Variants in SHISA3 observed in about 807,000 individuals in gnomAD.
The protein encoded by SHISA3 is shisa family member 3, also known as protein shisa-3 homolog.
In SHISA3, 15 loss-of-function variants were observed where a neutral mutation model predicts 19.2. The ratio of observed to expected loss-of-function variants is 0.78; its 90% confidence interval spans 0.52 to 1.20. The LOEUF (loss-of-function observed/expected upper bound fraction) is 1.20. Among genes scored for constraint, SHISA3 ranks in the 50% most tolerant of loss-of-function variants. The pLI, the probability that SHISA3 is intolerant of heterozygous loss-of-function variation, is 0.00. For missense variants in SHISA3, 327 were observed against 315.7 expected, an observed-to-expected ratio of 1.04 and a Z score of -0.27; for synonymous variants, 145 against 135.2, an observed-to-expected ratio of 1.07 and a Z score of -0.50.
At chr4:42,400,633 C>T (rs558216199) in intron 1 of SHISA3, among the ~76,000 whole-genome samples, 1 of 152,210 alleles carries the variant, frequency 6.6e-6, no homozygotes, top group African/African-American at 2.4e-5. Context: ...TACTGCTCAC[C>T]GTGATCAAAC....
At position 42,398,266 on chromosome 4, in the gene SHISA3, C is replaced by T. The variant is rs546175044; in HGVS notation, c.210C>T (p.Asp70=). 1.8e-4 allele frequency: 278 copies of T among 1,568,682 alleles called. 1 individual carries two copies. The South Asian group carries it at 2.8e-3, about 16-fold the overall frequency. The change falls in exon 1 of 2, where the codon GAC becomes GAT. Residue 70 remains aspartate (D), a synonymous_variant. Transcript: ENST00000319234. Reference sequence around the variant, plus strand: ...TCCGCTACTGTTGCGCCGCGGCCGACGCCAGGCTGGAGCAGGGCGGCTGCA... The same window carrying T: ...TCCGCTACTGTTGCGCCGCGGCCGATGCCAGGCTGGAGCAGGGCGGCTGCA... ...CALRYCCAAA[D]ARLEQGGCTN... is the part of the protein sequence containing the mutation.
In SHISA3 at chr4:42,402,294, A is replaced by G. The variant is rs2153163351; in HGVS notation, c.*843A>G. ...TTAATGTATTTACCACATTGACTGTACTAATTATTTAGTAGTCATACTGTA... is the reference window on the plus strand; with the variant it reads ...TTAATGTATTTACCACATTGACTGTGCTAATTATTTAGTAGTCATACTGTA... On this transcript the variant is annotated 3_prime_UTR_variant, in exon 2 of 2. Transcript: ENST00000319234. 6.6e-6 allele frequency: 1 copy of G among 152,292 alleles called. No homozygotes were observed. The highest frequency in any genetic ancestry group is 6.5e-5 in the Admixed American group (1 of 15,308). 9.4% of individuals were successfully genotyped at this position (152,292 alleles called of 1,614,324 possible). A position where few individuals can be genotyped will look rare whatever the true frequency, so the allele number is the denominator to read the frequency against.
At position 42,398,110 on chromosome 4, in the gene SHISA3, G is replaced by T. The variant is rs779307828; in HGVS notation, c.54G>T (p.Pro18=). 8.7e-6 allele frequency: 14 copies of T among 1,602,912 alleles called. No individual in the cohort carries two copies. Among genetic ancestry groups the T allele is most frequent in the Non-Finnish European group, 8.5e-6 (10 of 1,175,758 alleles). The change falls in exon 1 of 2, where the codon CCG becomes CCT. Residue 18 remains proline (P), a synonymous_variant. Coordinates refer to ENST00000319234, the MANE Select transcript of SHISA3 (RefSeq NM_001080505.3). ...CLLLGWLRWG[P]AGAQQSGEYC... ...TCCTTGGCTGGCTGCGCTGGGGCCC[G>T]GCGGGCGCCCAGCAGTCCGGAGAGT...
chr4:42,399,802 A>T lies in SHISA3; in HGVS notation c.278-1210A>T, dbSNP rs150649474. ...TAAGTTGTTGGTGACGTGAGAGTGTATGAATGCTGGAGCGCAGGGCTCAGT... is the reference window on the plus strand; with the variant it reads ...TAAGTTGTTGGTGACGTGAGAGTGTTTGAATGCTGGAGCGCAGGGCTCAGT... On this transcript the variant is annotated intron_variant, in intron 1 of 1. Transcript: ENST00000319234. 5.8e-4 allele frequency among the ~76,000 whole-genome samples: 89 copies of T among 152,336 alleles called. 1 individual carries two copies. Among genetic ancestry groups the T allele is most frequent in the African/African-American group, 2.0e-3 (84 of 41,584 alleles).
Position 42,401,499 on chromosome 4 carries a change from G to A in SHISA3, c.*48G>A, listed in dbSNP as rs866648957. The A allele has an allele frequency of 6.6e-7, 1 of 1,524,492 alleles. No homozygotes were observed. Among genetic ancestry groups the A allele is most frequent in the Non-Finnish European group, 8.8e-7 (1 of 1,135,834 alleles). The allele number at this position is 1,524,492 out of a possible 1,614,324, so 94.4% of individuals were successfully genotyped here. ...AACTCAGTCAGATGGCAGACAGGTGGAGCCCTGCTCCCATTGCCACATGCA... is the reference window on the plus strand; with the variant it reads ...AACTCAGTCAGATGGCAGACAGGTGAAGCCCTGCTCCCATTGCCACATGCA... On this transcript the variant is annotated 3_prime_UTR_variant, in exon 2 of 2. Transcript: ENST00000319234.
chr4:42,401,119 C>A lies in SHISA3; in HGVS notation c.385C>A (p.Pro129Thr), dbSNP rs1323348032. ...YCCTCLRPKE[P>T]SQQPIRFSLR... The stretch of plus-strand genomic sequence containing the variant: ...TTGCACCTGTTTGAGACCCAAGGAG[C>A]CCTCGCAGCAGCCAATCCGCTTCTC... Residue 129 changes from proline to threonine, a missense_variant, in exon 2 of 2, where the codon CCC becomes ACC. Transcript: ENST00000319234. 1 of 1,614,218 alleles carries A rather than the reference C, an allele frequency of 6.2e-7. No individual in the cohort carries two copies. Among genetic ancestry groups the A allele is most frequent in the Admixed American group, 1.7e-5 (1 of 60,022 alleles).
Position 42,401,407 on chromosome 4 carries a change from C to A in SHISA3, c.673C>A (p.Pro225Thr), listed in dbSNP as rs1266418751. 6.2e-7 allele frequency: 1 copy of A among 1,601,554 alleles called. No individual in the cohort carries two copies. The highest frequency in any genetic ancestry group is 8.5e-7 in the Non-Finnish European group (1 of 1,174,446). ...TTTCGCTTACCCCCTCCAGCAGGAG[C>A]CCCCACTGCCTGGGAAGAGCTGTCC... ...QYFAYPLQQE[P>T]PLPGKSCPDF... Residue 225 changes from proline to threonine, a missense_variant, in exon 2 of 2, where the codon CCC (proline) becomes ACC (threonine). Pro to Thr is a conservative substitution (Grantham distance 38, BLOSUM62 -1). Transcript: ENST00000319234.
At chr4:42,398,437 T>C in intron 1 of SHISA3, 104 bp downstream of exon 1, 3 of 1,256,182 alleles carry the variant, frequency 2.4e-6, no homozygotes, top group Non-Finnish European at 3.2e-6. Context: ...TGCGCCTTCC[T>C]GGGTCTGTGC....
intron 1 of SHISA3, among the ~76,000 whole-genome samples, chr4:42,398,634 C>G (rs547389854): frequency 6.6e-6 from 1 of 152,248 alleles, no homozygotes; most frequent in Middle Eastern, 3.4e-3. Flanking sequence ...GGGGGGAAGA[C>G]AGCTGGAGCT....
chr4:42,398,947 T>A (rs111880246), intron 1 of SHISA3, among the ~76,000 whole-genome samples: 4,149 of 152,230 alleles, frequency 0.027, 78 homozygotes, highest in South Asian at 0.086. Flanking sequence ...CTTTCAGAAA[T>A]GCCCAGGTCT....
At chr4:42,400,299 C>A (rs940122676) in intron 1 of SHISA3, among the ~76,000 whole-genome samples, 1 of 152,130 alleles carries the variant, frequency 6.6e-6, no homozygotes, top group Non-Finnish European at 1.5e-5. Context: ...CCGTGGACAC[C>A]AAGAATTGCC....
At chr4:42,398,515 C>G (rs1313495992) in intron 1 of SHISA3, among the ~76,000 whole-genome samples, 182 bp downstream of exon 1, 1 of 152,194 alleles carries the variant, frequency 6.6e-6, no homozygotes, top group Admixed American at 6.5e-5. Flanking sequence ...GATCATGGTC[C>G]TCTATTCATT....
At position 42,397,552 on chromosome 4, in the gene SHISA3, G is replaced by C. The variant is rs902040913; in HGVS notation, c.-505G>C. Among the ~76,000 whole-genome samples, 15 of 152,312 alleles carry C rather than the reference G, an allele frequency of 9.8e-5. No individual in the cohort carries two copies. Among genetic ancestry groups the C allele is most frequent in the Non-Finnish European group, 1.8e-4 (12 of 68,018 alleles). ...TGACTCCTGCTCCTGTGACAGATAG[G>C]GGCTGGGGCTGAGCGGCCGCCTGTC... On this transcript the variant is annotated 5_prime_UTR_variant, in exon 1 of 2. Transcript: ENST00000319234.
At chr4:42,400,610 G>A (rs1050167673) in intron 1 of SHISA3, among the ~76,000 whole-genome samples, 1 of 152,032 alleles carries the variant, frequency 6.6e-6, no homozygotes, top group African/African-American at 2.4e-5. Flanking sequence ...CCTAAGAGAG[G>A]GGACAAGTCT....
rs1304879809 is a variant in SHISA3, at chr4:42,397,897, C to G, written c.-160C>G. ...CGTAGTGCAGCCCCTGTCGCCTCCC[C>G]GGCCCCTGCTATCCCACGCAGGACT... is the stretch of plus-strand genomic sequence containing the variant. On this transcript the variant is annotated 5_prime_UTR_variant, in exon 1 of 2. Transcript: ENST00000319234. The G allele has an allele frequency of 3.2e-6, 2 of 622,982 alleles. No individual in the cohort carries two copies. The highest frequency in any genetic ancestry group is 5.3e-6 in the Non-Finnish European group (2 of 380,022). 38.6% of individuals were successfully genotyped at this position (622,982 alleles called of 1,614,324 possible). A position where few individuals can be genotyped will look rare whatever the true frequency, so the allele number is the denominator to read the frequency against.
Position 42,398,131 on chromosome 4 carries a change from A to G in SHISA3, c.75A>G (p.Gly25=). The change falls in exon 1 of 2, where the codon GGA becomes GGG. Residue 25 remains glycine (G), a synonymous_variant. Coordinates refer to ENST00000319234, the MANE Select transcript of SHISA3 (RefSeq NM_001080505.3). ...GCCCGGCGGGCGCCCAGCAGTCCGG[A>G]GAGTACTGCCACGGCTGGGTGGACG... ...RWGPAGAQQS[G]EYCHGWVDVQ... 4 of 1,604,402 alleles carry G rather than the reference A, an allele frequency of 2.5e-6. No individual in the cohort carries two copies. Among genetic ancestry groups the G allele is most frequent in the South Asian group, 2.2e-5 (2 of 89,550 alleles).
Position 42,401,837 on chromosome 4 carries a change from A to G in SHISA3, c.*386A>G, listed in dbSNP as rs1372069491. 4 of 168,530 alleles carry G rather than the reference A, an allele frequency of 2.4e-5. No homozygotes were observed. The highest frequency in any genetic ancestry group is 3.8e-5 in the Non-Finnish European group (3 of 79,642). 10.4% of individuals were successfully genotyped at this position (168,530 alleles called of 1,614,324 possible). On this transcript the variant is annotated 3_prime_UTR_variant, in exon 2 of 2. Coordinates refer to ENST00000319234, the MANE Select transcript of SHISA3 (RefSeq NM_001080505.3). ...GTTCATTGAGTTATGATAGGAATAT[A>G]TTCATAAATAAGCAAAGAAAAATAC...
chr4:42,401,688 T>C lies in SHISA3; in HGVS notation c.*237T>C. The C allele has an allele frequency of 2.2e-6, 1 of 457,714 alleles. No individual in the cohort carries two copies. The allele number at this position is 457,714 out of a possible 1,614,324, so 28.4% of individuals were successfully genotyped here. Reference sequence around the variant, plus strand: ...CATGTGATCATTACATTTCAATCTATGCTACTTTTATTCAAAATATGCAGC... The same window carrying C: ...CATGTGATCATTACATTTCAATCTACGCTACTTTTATTCAAAATATGCAGC... On this transcript the variant is annotated 3_prime_UTR_variant, in exon 2 of 2. Transcript: ENST00000319234.
At chr4:42,400,027 A>C (rs1425851066) in intron 1 of SHISA3, among the ~76,000 whole-genome samples, 1 of 152,180 alleles carries the variant, frequency 6.6e-6, no homozygotes, top group African/African-American at 2.4e-5. Flanking sequence ...TATCATGTCC[A>C]TCTCACAGGG....
Sources: gnomAD v4.1 joint callset for allele counts (sites outside exome capture counted in the v4.1 genomes callset) on GRCh38, gnomAD v4.1.1 for gene constraint, MANE v1.5 for transcripts, NCBI Gene and HGNC (gene_info 2026-07-23, HGNC 2026-07-21) for gene names.